Variants in TCF12 observed in about 807,000 individuals in gnomAD.
The protein encoded by TCF12 is DNA-binding protein HTF4.
A neutral mutation model predicts 86.0 loss-of-function variants in TCF12; 45 were observed. The ratio of observed to expected loss-of-function variants is 0.52; its 90% CI spans 0.41 to 0.67. The LOEUF is 0.67. Ranked by LOEUF, TCF12 falls within the 30% of genes least tolerant of loss-of-function variation. The probability of loss-of-function intolerance (pLI) is 0.00; values close to 1 mark genes in which losing one functional copy is unlikely to be tolerated. For missense variants in TCF12, 881 were observed against 859.9 expected (o/e 1.02, Z -0.31); for synonymous variants, 330 against 299.6 (o/e 1.10, Z -1.05).
chr15:57,121,795 A>G (rs144925520), intron 5 of TCF12, among the ~76,000 whole-genome samples: 7 of 152,342 alleles, frequency 4.6e-5, no homozygotes, highest in African/African-American at 1.7e-4. Context: ...TTACAGCAGC[A>G]CAAATGGTCT....
At chr15:57,183,516 A>T (rs2056486657) in intron 6 of TCF12, among the ~76,000 whole-genome samples, 1 of 152,158 alleles carries the variant, frequency 6.6e-6, no homozygotes, top group Non-Finnish European at 1.5e-5. Flanking sequence ...TACCATAGCC[A>T]TTGGGAATTG....
chr15:57,199,931 G>C (rs1341923389), intron 8 of TCF12, among the ~76,000 whole-genome samples: 4 of 151,950 alleles, frequency 2.6e-5, no homozygotes, highest in African/African-American at 9.7e-5. Flanking sequence ...ACACAGGCTG[G>C]AGTGCAGTGA....
intron 8 of TCF12, among the ~76,000 whole-genome samples, chr15:57,205,785 A>G (rs1814918497): frequency 6.6e-6 from 1 of 152,246 alleles, no homozygotes; most frequent in South Asian, 2.1e-4. Context: ...CAGAATTAAT[A>G]GCCTTTAATG....
chr15:57,249,791 T>C (rs1367280124), intron 13 of TCF12, among the ~76,000 whole-genome samples: 1 of 152,156 alleles, frequency 6.6e-6, no homozygotes, highest in Non-Finnish European at 1.5e-5. Context: ...ATAATTCAAA[T>C]TGTCACTGAA....
intron 5 of TCF12, among the ~76,000 whole-genome samples, chr15:57,101,479 C>T (rs1049354794): frequency 3.3e-5 from 5 of 152,182 alleles, no homozygotes; most frequent in Non-Finnish European, 5.9e-5. Context: ...CAAAGTGCTA[C>T]GATTACAAGC....
In TCF12 at chr15:57,263,145, C is replaced by A. The variant is rs1362210827; in HGVS notation, c.1616C>A (p.Thr539Lys). 3.1e-6 allele frequency: 5 copies of A among 1,612,180 alleles called. No individual in the cohort carries two copies. The highest frequency in any genetic ancestry group is 4.5e-5 in the East Asian group (2 of 44,774). The change falls in exon 18 of 21, where the codon ACA (threonine) becomes AAA (lysine). Residue 539 changes from threonine (T) to lysine (K), a missense_variant. Physicochemically the swap from Thr to Lys is moderately conservative, Grantham distance 78. Transcript: ENST00000333725. ...GLQSQSGTVV[T>K]TEIKTENKEK... ...CAAAGTCAGTCTGGAACTGTTGTTA[C>A]AACAGAAATCAAGACTGAAAACAAA...
intron 5 of TCF12, chr15:57,118,298 G>C (rs1456733377): frequency 6.6e-6 from 1 of 152,166 alleles, no homozygotes; most frequent in Non-Finnish European, 1.5e-5. Flanking sequence ...AATTTTGTCT[G>C]AGCAAATTAA....
chr15:57,285,532 C>T (rs557075652), intron 20 of TCF12, among the ~76,000 whole-genome samples: 17 of 152,252 alleles, frequency 1.1e-4, no homozygotes, highest in African/African-American at 4.1e-4. Context: ...TAGCCTCTGA[C>T]CTCAGGTGCT....
At chr15:57,059,535 G>A (rs1315606470) in intron 3 of TCF12, among the ~76,000 whole-genome samples, 2 of 152,032 alleles carry the variant, frequency 1.3e-5, no homozygotes, top group African/African-American at 4.8e-5. Context: ...GTTCAGGGTG[G>A]CGGAGTCTTT....
At chr15:56,941,309 G>A (rs1229535727) in intron 3 of TCF12, among the ~76,000 whole-genome samples, 1 of 151,986 alleles carries the variant, frequency 6.6e-6, no homozygotes, top group African/African-American at 2.4e-5. Flanking sequence ...CAAGGCTGCA[G>A]CAAGCCAAGA....
intron 7 of TCF12, among the ~76,000 whole-genome samples, chr15:57,192,956 G>C (rs576040986): frequency 1.3e-5 from 2 of 152,276 alleles, no homozygotes; most frequent in East Asian, 3.9e-4. Flanking sequence ...CAACTAAGTA[G>C]TGAAAAATGA....
In TCF12 at chr15:57,265,728, C is replaced by T. The variant is rs561725749; in HGVS notation, c.1745+2454C>T. On this transcript the variant is annotated intron_variant, in intron 18 of 20. Transcript: ENST00000333725. ...TTATGTGTCATTTTCCTTAAAGTTG[C>T]AGTTTCCAAGAACTGATCAATGACA... is the stretch of plus-strand genomic sequence containing the variant. 3.3e-5 allele frequency among the ~76,000 whole-genome samples: 5 copies of T among 152,198 alleles called. No individual in the cohort carries two copies. In the East Asian group the frequency reaches 9.7e-4, roughly 29 times the overall value.
chr15:57,221,995 A>G (rs1393503751), intron 8 of TCF12, among the ~76,000 whole-genome samples: 9 of 152,062 alleles, frequency 5.9e-5, no homozygotes, highest in Non-Finnish European at 1.0e-4. Context: ...ATATGTCTTC[A>G]CTTAAGTTAT....
At chr15:57,037,314 G>A (rs2066564035) in intron 3 of TCF12, among the ~76,000 whole-genome samples, 2 of 152,026 alleles carry the variant, frequency 1.3e-5, no homozygotes, top group South Asian at 2.1e-4. Context: ...GGTTCCTCAC[G>A]CCTGTAATCC....
chr15:57,245,900 C>G (rs1173618192), intron 13 of TCF12, among the ~76,000 whole-genome samples: 3 of 152,024 alleles, frequency 2.0e-5, no homozygotes, highest in Non-Finnish European at 4.4e-5. Flanking sequence ...TGCATCTCTC[C>G]TGGCTCCTGT....
intron 5 of TCF12, among the ~76,000 whole-genome samples, chr15:57,132,305 C>T (rs566015474): frequency 6.6e-6 from 1 of 152,078 alleles, no homozygotes; most frequent in Non-Finnish European, 1.5e-5. Context: ...TCACTATTAG[C>T]CTTTTGTGCA....
At chr15:56,939,863 C>T (rs1264788195) in intron 3 of TCF12, among the ~76,000 whole-genome samples, 1 of 151,728 alleles carries the variant, frequency 6.6e-6, no homozygotes, top group African/African-American at 2.4e-5. Flanking sequence ...AAGAAGTGGC[C>T]AAGTAGTAAA....
At chr15:56,940,607 CCTTCTTCTCCCT>C (rs1279936175) in intron 3 of TCF12, among the ~76,000 whole-genome samples, 1 of 148,596 alleles carries the variant, frequency 6.7e-6, no homozygotes, top group Admixed American at 6.7e-5. Context: ...TCCTTCTCCT[CCTTCTTCTCCCT>C]CTCCTCCTTC....
At chr15:57,075,835 T>TCTCTCTCTCTC (rs778545170) in intron 4 of TCF12, among the ~76,000 whole-genome samples, 2 of 49,988 alleles carry the variant, frequency 4.0e-5, no homozygotes, top group Admixed American at 2.4e-4. Flanking sequence ...TCTCTCTCTC[T>TCTCTCTCTCTC]TTTCTTTCTT....
Sources: gnomAD v4.1 joint callset for allele counts (sites outside exome capture counted in the v4.1 genomes callset) on GRCh38, gnomAD v4.1.1 for gene constraint, MANE v1.5 for transcripts, NCBI Gene and HGNC (gene_info 2026-07-23, HGNC 2026-07-21) for gene names.